The following ALK variants were observed in gnomAD, a reference collection of about 807,000 sequenced individuals.
ALK encodes ALK receptor tyrosine kinase.
A neutral mutation model predicts 163.1 loss-of-function variants in ALK; 74 were observed. The observed-to-expected ratio is 0.45, with a 90% CI of 0.38 to 0.55. ALK has a LOEUF of 0.55. ALK is among the 20% of genes least tolerant of loss of function. The pLI, the probability that ALK is intolerant of heterozygous loss-of-function variation, is 0.00. For synonymous variants in ALK, 960 were observed against 843.2 expected (o/e 1.14, Z -2.40); for missense variants, 2,063 against 2,105.3 (o/e 0.98, Z 0.39).
chr2:29,261,784 G>A lies in ALK; in HGVS notation c.2042-10517C>T, dbSNP rs369320600. ...CTGTCTCTGCTGGCAGGTGTCTCTC[G>A]GTACTGCAGCATGTCCACCCGTGTT... On this transcript the variant is annotated intron_variant, in intron 11 of 28. Transcript: ENST00000389048. 6.6e-5 allele frequency among the ~76,000 whole-genome samples: 10 copies of A among 152,192 alleles called. No homozygotes were observed. In the East Asian group the frequency reaches 1.5e-3, roughly 24 times the overall value.
chr2:29,432,277 T>C (rs1384770689), intron 4 of ALK, among the ~76,000 whole-genome samples: 2 of 152,084 alleles, frequency 1.3e-5, no homozygotes, highest in African/African-American at 2.4e-5. Flanking sequence ...GTGATAACAA[T>C]TGAGTTCTCA....
chr2:29,369,665 G>A (rs17007970), intron 5 of ALK, among the ~76,000 whole-genome samples: 1,823 of 152,268 alleles, frequency 0.012, 26 homozygotes, highest in African/African-American at 0.041. Context: ...AGAAAGTCGA[G>A]AAGTGAGAAT....
At chr2:29,670,473 T>C (rs990009644) in intron 3 of ALK, among the ~76,000 whole-genome samples, 2 of 152,072 alleles carry the variant, frequency 1.3e-5, no homozygotes, top group Non-Finnish European at 2.9e-5. Flanking sequence ...CTTTGAGAGT[T>C]TGGTTATTAT....
At chr2:29,209,318 A>G (rs1432332928) in intron 25 of ALK, among the ~76,000 whole-genome samples, 1 of 152,142 alleles carries the variant, frequency 6.6e-6, no homozygotes, top group Non-Finnish European at 1.5e-5. Context: ...AGGCGGGCAG[A>G]TCACCTGAGG....
At chr2:29,737,042 T>C (rs1213073902) in intron 1 of ALK, among the ~76,000 whole-genome samples, 1 of 152,110 alleles carries the variant, frequency 6.6e-6, no homozygotes, top group African/African-American at 2.4e-5. Flanking sequence ...TGCATATACT[T>C]TGGGCATCCT....
intron 2 of ALK, among the ~76,000 whole-genome samples, chr2:29,705,412 C>A (rs1678879905): frequency 6.6e-6 from 1 of 151,242 alleles, no homozygotes; most frequent in South Asian, 2.1e-4. Flanking sequence ...AGCACTGTGT[C>A]TTCCTCTGCC....
chr2:29,657,314 C>A (rs573132142), intron 3 of ALK, among the ~76,000 whole-genome samples: 1 of 152,056 alleles, frequency 6.6e-6, no homozygotes, highest in Non-Finnish European at 1.5e-5. Context: ...ATCTTAATAC[C>A]ATTTGTGTCT....
chr2:29,821,303 T>A (rs1189319974), intron 1 of ALK, among the ~76,000 whole-genome samples: 1 of 151,968 alleles, frequency 6.6e-6, no homozygotes, highest in Non-Finnish European at 1.5e-5. Context: ...GGAGACTGCT[T>A]CTCTCTCAGG....
chr2:29,292,824 A>T (rs1416276676), intron 9 of ALK, among the ~76,000 whole-genome samples: 1 of 152,192 alleles, frequency 6.6e-6, no homozygotes, highest in Non-Finnish European at 1.5e-5. Context: ...TGGACAGAAG[A>T]AATATCATTC....
chr2:29,324,714 A>C (rs779106330), intron 6 of ALK, among the ~76,000 whole-genome samples: 6 of 152,214 alleles, frequency 3.9e-5, no homozygotes, highest in Non-Finnish European at 5.9e-5. Flanking sequence ...GCCATTGGTC[A>C]GAACGCAGAG....
intron 1 of ALK, among the ~76,000 whole-genome samples, chr2:29,795,255 G>A (rs1558491410): frequency 6.6e-6 from 1 of 152,054 alleles, no homozygotes; most frequent in South Asian, 2.1e-4. Context: ...GCAAAGAATT[G>A]TAATTTAAGG....
At position 29,228,903 on chromosome 2, in the gene ALK, T is replaced by C; in HGVS notation, c.2796A>G (p.Gly932=). The C allele has an allele frequency of 6.3e-7, 1 of 1,590,902 alleles. No individual in the cohort carries two copies. The highest frequency in any genetic ancestry group is 8.6e-7 in the Non-Finnish European group (1 of 1,159,162). The change falls in exon 16 of 29, where the codon GGA becomes GGG. Residue 932 remains glycine, a synonymous_variant. Transcript: ENST00000389048. ...CTTTACCTATATATCCTCCGCCTCC[T>C]CCACCTGAGGAGCACCCCCCTCCAC... ...GGGGGGCSSG[G]GGGGYIGGNA...
At chr2:29,331,043 A>G (rs1667424136) in intron 5 of ALK, among the ~76,000 whole-genome samples, 1 of 152,180 alleles carries the variant, frequency 6.6e-6, no homozygotes, top group African/African-American at 2.4e-5. Flanking sequence ...ACTCCCGCTG[A>G]AATCCCAGAC....
chr2:29,585,568 T>C (rs1166882377), intron 3 of ALK, among the ~76,000 whole-genome samples: 1 of 152,202 alleles, frequency 6.6e-6, no homozygotes, highest in Non-Finnish European at 1.5e-5. Context: ...CCTCAGGTGA[T>C]CCACCTGCCT....
rs1032741319 is a variant in ALK at position 29,921,529 on chromosome 2, G to A, written c.-870C>T. On this transcript the variant is annotated 5_prime_UTR_variant, in exon 1 of 29. Transcript: ENST00000389048. Reference sequence around the variant, plus strand: ...GCCCCGCGACCCTCCGAACAGAGGCGGCGGGAGGTACCAGCTGCTACCACC... The same window carrying A: ...GCCCCGCGACCCTCCGAACAGAGGCAGCGGGAGGTACCAGCTGCTACCACC... 1.3e-5 allele frequency: 3 copies of A among 231,812 alleles called. No individual in the cohort carries two copies. Among genetic ancestry groups the A allele is most frequent in the East Asian group, 6.1e-5 (1 of 16,518 alleles). The allele number at this position is 231,812 out of a possible 1,614,324, so 14.4% of individuals were successfully genotyped here. A position where few individuals can be genotyped will look rare whatever the true frequency, so the allele number is the denominator to read the frequency against.
chr2:29,602,208 C>T (rs1320200742), intron 3 of ALK, among the ~76,000 whole-genome samples: 1 of 151,964 alleles, frequency 6.6e-6, no homozygotes, highest in African/African-American at 2.4e-5. Flanking sequence ...TGTCCTTATT[C>T]TCACAGAACA....
intron 1 of ALK, among the ~76,000 whole-genome samples, chr2:29,885,227 T>C (rs182706667): frequency 1.6e-3 from 251 of 152,296 alleles, no homozygotes; most frequent in African/African-American, 5.7e-3. Flanking sequence ...AGTTCAACAA[T>C]GAAGGCACTG....
chr2:29,900,995 GAGCA>G (rs58490938), intron 1 of ALK, among the ~76,000 whole-genome samples: 1,717 of 148,710 alleles, frequency 0.012, 18 homozygotes, highest in African/African-American at 0.022. Flanking sequence ...GAGAGAGAGA[GAGCA>G]AGCAAGCAAG....
In ALK at chr2:29,585,154, A is replaced by T. The variant is rs575597356; in HGVS notation, c.953-53038T>A. Among the ~76,000 whole-genome samples the T allele has an allele frequency of 1.0e-3, 153 of 152,190 alleles. 1 individual carries two copies. Among genetic ancestry groups the T allele is most frequent in the African/African-American group, 3.4e-3 (140 of 41,520 alleles). On this transcript the variant is annotated intron_variant, in intron 3 of 28. Transcript: ENST00000389048. ...TTTATTTTATGTTGCTCAATTATTG[A>T]TAGTTTTAAACCCTATATTCTTTTT...
Sources: gnomAD v4.1 joint callset for allele counts (sites outside exome capture counted in the v4.1 genomes callset) on GRCh38, gnomAD v4.1.1 for gene constraint, MANE v1.5 for transcripts, NCBI Gene and HGNC (gene_info 2026-07-23, HGNC 2026-07-21) for gene names.